Variants in RPS6KC1 observed in about 807,000 individuals in gnomAD.
The protein encoded by RPS6KC1 is ribosomal protein S6 kinase C1, also known as inactive ribosomal protein S6 kinase delta-1.
In RPS6KC1, 54 loss-of-function variants were observed where a neutral mutation model predicts 103.8. The ratio of observed to expected loss-of-function variants is 0.52; its 90% confidence interval spans 0.42 to 0.65. The LOEUF (loss-of-function observed/expected upper bound fraction) is 0.65. Among genes scored for constraint, RPS6KC1 ranks in the 30% least tolerant of loss-of-function variants. The pLI, the probability that RPS6KC1 is intolerant of heterozygous loss-of-function variation, is 0.00. For synonymous variants in RPS6KC1, 439 were observed against 438.7 expected (o/e 1.00, Z -0.01); for missense variants, 1,151 against 1,253.8 (o/e 0.92, Z 1.24).
chr1:213,570,896 A>G, the RPS6KC1 span, among the ~76,000 whole-genome samples: 1 of 152,330 alleles, frequency 6.6e-6, no homozygotes, highest in African/African-American at 2.4e-5. Context: ...TTCCAGCACT[A>G]ATGAGGAAAA....
Position 213,136,403 on chromosome 1 carries a change from C to T in RPS6KC1, c.835+6514C>T, listed in dbSNP as rs1036108817. ...TCCCTGATGCACTGCATGAACTGAACGGCATAACCATGGAATGTGGAAGGA... is the reference window on the plus strand; with the variant it reads ...TCCCTGATGCACTGCATGAACTGAATGGCATAACCATGGAATGTGGAAGGA... On this transcript the variant is annotated intron_variant, in intron 6 of 14. Coordinates refer to ENST00000366960, the MANE Select transcript of RPS6KC1 (RefSeq NM_012424.6). Among the ~76,000 whole-genome samples the T allele has an allele frequency of 3.3e-5, 5 of 151,958 alleles. No individual in the cohort carries two copies. In the East Asian group the frequency reaches 5.8e-4, roughly 18 times the overall value.
chr1:213,678,730 T>C, the RPS6KC1 span, among the ~76,000 whole-genome samples: 3 of 152,240 alleles, frequency 2.0e-5, no homozygotes, highest in Non-Finnish European at 4.4e-5. Flanking sequence ...TGATAATTTC[T>C]GCTTGAGGAA....
chr1:213,366,536 T>C, the RPS6KC1 span, among the ~76,000 whole-genome samples: 1 of 152,240 alleles, frequency 6.6e-6, no homozygotes, highest in Non-Finnish European at 1.5e-5. Context: ...GTCTCCATCA[T>C]TCCTGTTCAA....
At chr1:213,632,688 A>C in the RPS6KC1 span, among the ~76,000 whole-genome samples, 15 of 152,386 alleles carry the variant, frequency 9.8e-5, no homozygotes, top group South Asian at 2.7e-3. Context: ...AGCTGGATGG[A>C]GAATGACTTT....
Position 213,242,157 on chromosome 1 carries a change from C to T in RPS6KC1, c.2681C>T (p.Ala894Val). The T allele has an allele frequency of 6.2e-7, 1 of 1,613,906 alleles. No individual in the cohort carries two copies. The highest frequency in any genetic ancestry group is 8.5e-7 in the Non-Finnish European group (1 of 1,179,900). The change falls in exon 11 of 15, where the codon GCA becomes GTA. Residue 894 changes from alanine to valine, a missense_variant. By Grantham distance (64) the Ala-to-Val change is moderately conservative. Coordinates refer to ENST00000366960, the MANE Select transcript of RPS6KC1 (RefSeq NM_012424.6). Reference sequence around the variant, plus strand: ...TTTGAGGACCTTGATAAAAAATTAGCACTAGCCTCCAGGTTTTACATCCCA... The same window carrying T: ...TTTGAGGACCTTGATAAAAAATTAGTACTAGCCTCCAGGTTTTACATCCCA... ...QIFEDLDKKL[A>V]LASRFYIPEG...
chr1:213,058,257 A>G lies in RPS6KC1; in HGVS notation c.105+6748A>G, dbSNP rs549390060. ...CACCCAGACAGTGTTTTTGCAAAGC[A>G]CAATTTGTAATTTTGGTGAAGTCCA... On this transcript the variant is annotated intron_variant, in intron 1 of 14. Coordinates refer to ENST00000366960, the MANE Select transcript of RPS6KC1 (RefSeq NM_012424.6). 3.3e-5 allele frequency among the ~76,000 whole-genome samples: 5 copies of G among 151,938 alleles called. No homozygotes were observed. In the South Asian group the frequency reaches 1.0e-3, roughly 32 times the overall value.
At chr1:213,717,103 C>T in the RPS6KC1 span, among the ~76,000 whole-genome samples, 4 of 152,190 alleles carry the variant, frequency 2.6e-5, no homozygotes, top group African/African-American at 9.6e-5. Context: ...GGCTGGCCAG[C>T]TAGCAGCATG....
the RPS6KC1 span, among the ~76,000 whole-genome samples, chr1:213,854,823 C>G: frequency 6.6e-6 from 1 of 152,214 alleles, no homozygotes; most frequent in African/African-American, 2.4e-5. Context: ...GAGCCTGGGT[C>G]CAGCCCATGC....
chr1:213,472,814 G>A, the RPS6KC1 span, among the ~76,000 whole-genome samples: 1 of 152,158 alleles, frequency 6.6e-6, no homozygotes, highest in Non-Finnish European at 1.5e-5. Context: ...AAGTATAAAG[G>A]ACATCCATGC....
chr1:213,565,553 ACTAAT>A, the RPS6KC1 span, among the ~76,000 whole-genome samples: 1 of 152,226 alleles, frequency 6.6e-6, no homozygotes, highest in Non-Finnish European at 1.5e-5. Context: ...GCGCAATAAA[ACTAAT>A]CTACAGTGGA....
At chr1:213,410,708 TGA>T in the RPS6KC1 span, among the ~76,000 whole-genome samples, 1 of 151,472 alleles carries the variant, frequency 6.6e-6, no homozygotes, top group African/African-American at 2.4e-5. Flanking sequence ...CAGAGAATGG[TGA>T]GGAAGTGATT....
At chr1:213,582,901 GC>G in the RPS6KC1 span, among the ~76,000 whole-genome samples, 1 of 152,012 alleles carries the variant, frequency 6.6e-6, no homozygotes. Context: ...GCTTCTGTAA[GC>G]CCCCTAGCAG....
At chr1:213,511,649 C>G in the RPS6KC1 span, among the ~76,000 whole-genome samples, 1 of 152,194 alleles carries the variant, frequency 6.6e-6, no homozygotes, top group Non-Finnish European at 1.5e-5. Flanking sequence ...ACTCTCCCTT[C>G]TCCAGCTATG....
At chr1:213,500,664 G>A in the RPS6KC1 span, among the ~76,000 whole-genome samples, 1 of 152,152 alleles carries the variant, frequency 6.6e-6, no homozygotes, top group Non-Finnish European at 1.5e-5. Flanking sequence ...GACAGCTAAA[G>A]GTGATAGGAA....
At chr1:213,575,545 G>A in the RPS6KC1 span, among the ~76,000 whole-genome samples, 1 of 152,182 alleles carries the variant, frequency 6.6e-6, no homozygotes, top group Non-Finnish European at 1.5e-5. Flanking sequence ...ATTTTGCTTA[G>A]CACTTCTCCT....
At chr1:213,505,588 A>C in the RPS6KC1 span, among the ~76,000 whole-genome samples, 1 of 152,212 alleles carries the variant, frequency 6.6e-6, no homozygotes, top group Non-Finnish European at 1.5e-5. Context: ...GACACATCGT[A>C]AGTGCTCAAC....
chr1:213,325,344 C>A, the RPS6KC1 span, among the ~76,000 whole-genome samples: 32 of 152,144 alleles, frequency 2.1e-4, no homozygotes, highest in African/African-American at 7.7e-4. Flanking sequence ...TTAGCATATC[C>A]CTGGGTGGAG....
At chr1:213,569,724 T>A in the RPS6KC1 span, among the ~76,000 whole-genome samples, 1 of 152,124 alleles carries the variant, frequency 6.6e-6, no homozygotes, top group Non-Finnish European at 1.5e-5. Flanking sequence ...AGTAAATAGA[T>A]CATTTGTGGT....
At chr1:213,559,761 T>G in the RPS6KC1 span, among the ~76,000 whole-genome samples, 1 of 152,206 alleles carries the variant, frequency 6.6e-6, no homozygotes, top group Non-Finnish European at 1.5e-5. Context: ...TTTTTTATAG[T>G]AACCACATTA....
Sources: allele counts gnomAD v4.1 joint callset (sites outside exome capture counted in the v4.1 genomes callset), GRCh38; gene constraint gnomAD v4.1.1; transcripts MANE v1.5; gene names NCBI Gene and HGNC (gene_info 2026-07-23, HGNC 2026-07-21).